LRRC1: variants seen among roughly 807,000 people sequenced by gnomAD.
LRRC1 encodes the protein leucine-rich repeat-containing protein 1.
LRRC1 carries 28 observed loss-of-function variants against 69.9 expected under a neutral mutation model. That is an observed-to-expected ratio of 0.40 (90% CI 0.30 to 0.55). The LOEUF (loss-of-function observed/expected upper bound fraction) is 0.55, where lower values mean the gene tolerates loss of function less well. Among genes scored for constraint, LRRC1 ranks in the 20% least tolerant of loss-of-function variants. The pLI is 0.47. For synonymous variants in LRRC1, 236 were observed against 240.2 expected, an observed-to-expected ratio of 0.98 and a Z score of 0.16; for missense variants, 498 against 609.0, an observed-to-expected ratio of 0.82 and a Z score of 1.92.
chr6:53,840,194 C>A (rs207466967), intron 1 of LRRC1, among the ~76,000 whole-genome samples: 1 of 152,078 alleles, frequency 6.6e-6, no homozygotes, highest in Non-Finnish European at 1.5e-5. Context: ...CTTTTTGATA[C>A]CATGCGTGAC....
At chr6:53,849,782 G>A (rs577942698) in intron 2 of LRRC1, among the ~76,000 whole-genome samples, 3 of 152,204 alleles carry the variant, frequency 2.0e-5, no homozygotes, top group East Asian at 1.9e-4. Context: ...CTAAGGTGTC[G>A]GCTCAAAGTG....
Position 53,904,506 on chromosome 6 carries a change from A to C in LRRC1, c.990+44A>C, listed in dbSNP as rs765958135. Reference sequence around the variant, plus strand: ...ATCACATGATAATAATTATGAAGAAATAATAATAATACATAAGGGATCAAA... The same window carrying C: ...ATCACATGATAATAATTATGAAGAACTAATAATAATACATAAGGGATCAAA... On this transcript the variant is annotated intron_variant, in intron 10 of 13. Coordinates refer to ENST00000370888, the MANE Select transcript of LRRC1 (RefSeq NM_018214.5). The C allele has an allele frequency of 4.7e-5, 58 of 1,241,524 alleles. No individual in the cohort carries two copies. In the East Asian group the frequency reaches 1.3e-3, roughly 27 times the overall value. 76.9% of individuals were successfully genotyped at this position (1,241,524 alleles called of 1,614,324 possible). A position where few individuals can be genotyped will look rare whatever the true frequency, so the allele number is the denominator to read the frequency against.
chr6:53,871,677 C>T (rs945139936), intron 2 of LRRC1, among the ~76,000 whole-genome samples: 3 of 151,848 alleles, frequency 2.0e-5, no homozygotes, highest in Non-Finnish European at 4.4e-5. Flanking sequence ...TGTTTTGTTT[C>T]GTTTTTTGAG....
chr6:53,907,552 T>C (rs576499925), intron 10 of LRRC1, among the ~76,000 whole-genome samples: 6 of 152,324 alleles, frequency 3.9e-5, no homozygotes, highest in African/African-American at 1.4e-4. Context: ...TCTTTTGTTT[T>C]CTTAATTGTT....
chr6:53,813,918 C>T (rs1267192585), intron 1 of LRRC1, among the ~76,000 whole-genome samples: 1 of 152,146 alleles, frequency 6.6e-6, no homozygotes, highest in Non-Finnish European at 1.5e-5. Context: ...AATCTGAAGC[C>T]TGTGGCTCAA....
chr6:53,806,369 G>A (rs1764635835), intron 1 of LRRC1, among the ~76,000 whole-genome samples: 1 of 152,164 alleles, frequency 6.6e-6, no homozygotes, highest in Admixed American at 6.5e-5. Context: ...AACCAGACCT[G>A]TGAGGGAGAG....
At chr6:53,812,689 CAAAAAAAAAAAA>C (rs10580267) in intron 1 of LRRC1, among the ~76,000 whole-genome samples, 1 of 79,114 alleles carries the variant, frequency 1.3e-5, no homozygotes, top group Non-Finnish European at 2.3e-5. Flanking sequence ...GACTCCGTCT[CAAAAAAAAAAAA>C]AAAAAAAAAA....
At chr6:53,835,134 C>G (rs901330038) in intron 1 of LRRC1, among the ~76,000 whole-genome samples, 1 of 152,152 alleles carries the variant, frequency 6.6e-6, no homozygotes. Context: ...GTGCGCAATT[C>G]TCTGGTTTTT....
intron 2 of LRRC1, among the ~76,000 whole-genome samples, chr6:53,871,540 C>T (rs1282828643): frequency 6.6e-6 from 1 of 152,140 alleles, no homozygotes; most frequent in Non-Finnish European, 1.5e-5. Flanking sequence ...TTAACAATCC[C>T]TTGTCAGATG....
Position 53,837,779 on chromosome 6 carries a change from G to A in LRRC1, c.160-4331G>A, listed in dbSNP as rs929221528. ...GTACTAACACTTTACCAAAAAAGAA[G>A]GAAAAGAATCTTGTCAGAAATGGAG... On this transcript the variant is annotated intron_variant, in intron 1 of 13. Coordinates refer to ENST00000370888, the MANE Select transcript of LRRC1 (RefSeq NM_018214.5). 2.6e-5 allele frequency among the ~76,000 whole-genome samples: 4 copies of A among 152,084 alleles called. No individual in the cohort carries two copies. The East Asian group carries it at 7.7e-4, about 29-fold the overall frequency.
intron 1 of LRRC1, among the ~76,000 whole-genome samples, chr6:53,803,086 G>A (rs904274423): frequency 6.6e-6 from 1 of 152,134 alleles, no homozygotes; most frequent in Non-Finnish European, 1.5e-5. Context: ...CCCCGTTGCC[G>A]GAATTTTGCA....
chr6:53,902,493 A>G, intron 8 of LRRC1, 136 bp from the exon 9 acceptor site: 3 of 488,516 alleles, frequency 6.1e-6, no homozygotes, highest in Non-Finnish European at 1.1e-5. Flanking sequence ...GAGTTTCATA[A>G]TGTGAAAAGC....
chr6:53,795,121 G>C lies in LRRC1; in HGVS notation c.-136G>C. The C allele has an allele frequency of 2.7e-6, 2 of 753,758 alleles. No individual in the cohort carries two copies. The highest frequency in any genetic ancestry group is 4.0e-6 in the Non-Finnish European group (2 of 494,674). The allele number at this position is 753,758 out of a possible 1,614,324, so 46.7% of individuals were successfully genotyped here. A position where few individuals can be genotyped will look rare whatever the true frequency, so the allele number is the denominator to read the frequency against. On this transcript the variant is annotated 5_prime_UTR_variant, in exon 1 of 14. Coordinates refer to ENST00000370888, the MANE Select transcript of LRRC1 (RefSeq NM_018214.5). ...AGCACTTCCGACCGCGAAGCCCGGC[G>C]CGAGAAGCGAGCTAACCCAAGAGCC...
At chr6:53,917,410 C>T (rs1581920923) in intron 11 of LRRC1, among the ~76,000 whole-genome samples, 1 of 152,160 alleles carries the variant, frequency 6.6e-6, no homozygotes, top group South Asian at 2.1e-4. Flanking sequence ...TCAGGCAACT[C>T]ATTAATTTGA....
intron 1 of LRRC1, among the ~76,000 whole-genome samples, chr6:53,821,694 C>T (rs980204780): frequency 3.7e-4 from 56 of 152,160 alleles, no homozygotes; most frequent in African/African-American, 1.4e-3. Flanking sequence ...TCTCTTGTCC[C>T]CTTCCCAGAT....
intron 1 of LRRC1, among the ~76,000 whole-genome samples, chr6:53,810,690 T>C (rs1764767313): frequency 6.6e-6 from 1 of 152,234 alleles, no homozygotes; most frequent in African/African-American, 2.4e-5. Flanking sequence ...TGAGAAATTT[T>C]GAGAGAACAA....
rs910030610 is a variant in LRRC1, at chr6:53,795,005, G to C, written c.-252G>C. 8.6e-6 allele frequency: 3 copies of C among 349,954 alleles called. No individual in the cohort carries two copies. Among genetic ancestry groups the C allele is most frequent in the Admixed American group, 9.8e-5 (2 of 20,432 alleles). The allele number at this position is 349,954 out of a possible 1,614,324, so 21.7% of individuals were successfully genotyped here. ...GGAAGCTCCGCGCGGCGGCGGGGGC[G>C]GCGACGGCGACTGGCGGGTGGGAGT... On this transcript the variant is annotated 5_prime_UTR_variant, in exon 1 of 14. Transcript: ENST00000370888.
At chr6:53,828,182 A>AAAG (rs1765328204) in intron 1 of LRRC1, among the ~76,000 whole-genome samples, 1 of 151,888 alleles carries the variant, frequency 6.6e-6, no homozygotes, top group African/African-American at 2.4e-5. Context: ...AAAAAAAAAA[A>AAAG]AAAGAAACAT....
At chr6:53,816,994 C>G (rs1251280536) in intron 1 of LRRC1, among the ~76,000 whole-genome samples, 1 of 152,118 alleles carries the variant, frequency 6.6e-6, no homozygotes, top group Non-Finnish European at 1.5e-5. Context: ...TTTTTGACCC[C>G]CAATTATGGA....
Sources: allele counts gnomAD v4.1 joint callset (sites outside exome capture counted in the v4.1 genomes callset), GRCh38; gene constraint gnomAD v4.1.1; transcripts MANE v1.5; gene names NCBI Gene and HGNC (gene_info 2026-07-23, HGNC 2026-07-21).